The following MYBPC3 variants were observed in gnomAD, a reference collection of about 807,000 sequenced individuals.
MYBPC3 encodes the protein myosin binding protein C3.
Under a neutral mutation model 159.3 loss-of-function variants are expected in MYBPC3, and 108 were observed. The observed-to-expected ratio is 0.68, with a 90% CI of 0.58 to 0.80. The LOEUF (loss-of-function observed/expected upper bound fraction) is 0.80. MYBPC3 is among the 30% of genes least tolerant of loss of function. The pLI, the probability that MYBPC3 is intolerant of heterozygous loss-of-function variation, is 0.00. For missense variants in MYBPC3, 1,631 were observed against 1,762.1 expected, an observed-to-expected ratio of 0.93 and a Z score of 1.33; for synonymous variants, 730 against 702.0, an observed-to-expected ratio of 1.04 and a Z score of -0.63.
chr11:47,333,033 C>T lies in MYBPC3; in HGVS notation c.3331-60G>A, dbSNP rs550989677. On this transcript the variant is annotated intron_variant, in intron 30 of 34. Transcript: ENST00000545968. ...CCAGGCCCTTCCTGATGCCGAGAGC[C>T]TCTCCTGGGTGCCCTTGGCATCTCC... 5 of 1,560,438 alleles carry T rather than the reference C, an allele frequency of 3.2e-6. No individual in the cohort carries two copies. In the Admixed American group the frequency reaches 7.5e-5, roughly 23 times the overall value.
chr11:47,340,216 C>T (rs1565626703), intron 20 of MYBPC3, among the ~76,000 whole-genome samples: 1 of 140,776 alleles, frequency 7.1e-6, no homozygotes, highest in Admixed American at 7.0e-5. Flanking sequence ...CACAAATACA[C>T]ATACATACAC....
Position 47,351,338 on chromosome 11 carries a change from T to A in MYBPC3, c.193A>T (p.Thr65Ser), listed in dbSNP as rs1182438503. 6.3e-7 allele frequency: 1 copy of A among 1,598,570 alleles called. No homozygotes were observed. The highest frequency in any genetic ancestry group is 2.3e-5 in the East Asian group (1 of 43,896). ...YGLATEGTRH[T>S]LTVREVGPAD... The stretch of plus-strand genomic sequence containing the variant: ...GGGCCCACTTCCCGCACTGTCAGCG[T>A]ATGCCGTGTGCCCTCTGTGGCCAGG... The change falls in exon 2 of 35, where the codon ACG becomes TCG. Residue 65 changes from threonine to serine, a missense_variant. By Grantham distance (58) the Thr-to-Ser change is moderately conservative (BLOSUM62 1). Coordinates refer to ENST00000545968, the MANE Select transcript of MYBPC3 (RefSeq NM_000256.3). The surrounding 1 kb of genome is among the most constrained non-coding windows in gnomAD (Gnocchi z 4.2).
In MYBPC3 at chr11:47,352,657, C is replaced by T. The variant is rs567307744; in HGVS notation, c.-10G>A. ...TCCCCGGCTCAGGCATCCTGAGAGACGTCACACCAGGCACGAAGCAGGCAC... is the reference window on the plus strand; with the variant it reads ...TCCCCGGCTCAGGCATCCTGAGAGATGTCACACCAGGCACGAAGCAGGCAC... On this transcript the variant is annotated 5_prime_UTR_variant, in exon 1 of 35. Coordinates refer to ENST00000545968, the MANE Select transcript of MYBPC3 (RefSeq NM_000256.3). The T allele has an allele frequency of 2.1e-5, 33 of 1,590,430 alleles. No homozygotes were observed. Among genetic ancestry groups the T allele is most frequent in the African/African-American group, 1.8e-4 (13 of 73,510 alleles).
Position 47,334,024 on chromosome 11 carries a change from G to A in MYBPC3, c.2906-14C>T, listed in dbSNP as rs1302593450. On this transcript the variant is annotated splice_polypyrimidine_tract_variant and intron_variant, in intron 27 of 34. Transcript: ENST00000545968. ...GCCGTGGCCGTTCTGTGGGTATAGA[G>A]TGGGTAGCTAAGTGAGGGCCCGCCA... 1 of 1,565,150 alleles carries A rather than the reference G, an allele frequency of 6.4e-7. No homozygotes were observed. The highest frequency in any genetic ancestry group is 8.7e-7 in the Non-Finnish European group (1 of 1,154,528).
Position 47,351,507 on chromosome 11 carries a change from T to C in MYBPC3, c.26-2A>G, listed in dbSNP as rs376395543. ...GTGGCTTCTTGCTAAAAGCTGAGAC[T>C]GAAGGGCCAGGTGGAGGCTACAGCG... On this transcript the variant is annotated splice_acceptor_variant, in intron 1 of 34. Transcript: ENST00000545968. LOFTEE classifies it high-confidence loss of function. This position sits in a 1 kb window ranked among gnomAD's most constrained non-coding sequence, Gnocchi z 4.2. The C allele has an allele frequency of 3.9e-5, 62 of 1,581,032 alleles. No individual in the cohort carries two copies. The highest frequency in any genetic ancestry group is 5.0e-5 in the Non-Finnish European group (58 of 1,158,498).
Position 47,346,333 on chromosome 11 carries a change from A to G in MYBPC3, c.964T>C (p.Trp322Arg), listed in dbSNP as rs730880708. 2 of 1,609,138 alleles carry G rather than the reference A, an allele frequency of 1.2e-6. No individual in the cohort carries two copies. Among genetic ancestry groups the G allele is most frequent in the Non-Finnish European group, 1.7e-6 (2 of 1,177,678 alleles). The change falls in exon 12 of 35, where the codon TGG (tryptophan) becomes CGG (arginine). Residue 322 changes from tryptophan to arginine, a missense_variant. By Grantham distance (101) the Trp-to-Arg change is moderately radical. Coordinates refer to ENST00000545968, the MANE Select transcript of MYBPC3 (RefSeq NM_000256.3). The surrounding 1 kb of genome is among the most constrained non-coding windows in gnomAD (Gnocchi z 5.3). Reference protein sequence around the residue: ...KLEAPAEEDVWEILRQAPPSE... With the variant: ...KLEAPAEEDVREILRQAPPSE... Reference sequence around the variant, plus strand: ...GGGGGTGCCTGCCGTAGGATCTCCCACACGTCCTCCTCTGCTGGTGCCTCC... The same window carrying G: ...GGGGGTGCCTGCCGTAGGATCTCCCGCACGTCCTCCTCTGCTGGTGCCTCC...
rs753576437 is a variant in MYBPC3 at position 47,352,269 on chromosome 11, C to T, written c.25+354G>A. Among the ~76,000 whole-genome samples, 110 of 152,286 alleles carry T rather than the reference C, an allele frequency of 7.2e-4. 1 individual carries two copies. The highest frequency in any genetic ancestry group is 1.4e-3 in the Non-Finnish European group (93 of 68,030). On this transcript the variant is annotated intron_variant, in intron 1 of 34. Transcript: ENST00000545968. Reference sequence around the variant, plus strand: ...GGCATGCCGTGAGCCTGGCTCAGCTCCATACTAAACGTGGGCTCTGTCCGC... The same window carrying T: ...GGCATGCCGTGAGCCTGGCTCAGCTTCATACTAAACGTGGGCTCTGTCCGC...
rs370945942 is a variant in MYBPC3, at chr11:47,342,600, C to T, written c.1602G>A (p.Ala534=). The change falls in exon 17 of 35, where the codon GCG becomes GCA. Residue 534 remains alanine (A), a synonymous_variant. Transcript: ENST00000545968. ...CACCCTGCACAATGAGCTCAGCCAGCGCCTGGCCCCCGCTAGTGCACAGTG... is the reference window on the plus strand; with the variant it reads ...CACCCTGCACAATGAGCTCAGCCAGTGCCTGGCCCCCGCTAGTGCACAGTG... ...HYALCTSGGQ[A]LAELIVQEKK... is the part of the protein sequence containing the mutation. 6.5e-5 allele frequency: 105 copies of T among 1,608,960 alleles called. No individual in the cohort carries two copies. The African/African-American group carries it at 8.1e-4, about 12-fold the overall frequency.
intron 5 of MYBPC3, among the ~76,000 whole-genome samples, chr11:47,348,908 T>TATATATATATATATATATATATATATA (rs1555123221): frequency 2.5e-5 from 1 of 39,884 alleles, no homozygotes; most frequent in Non-Finnish European, 5.4e-5. Context: ...CTGTCTCAAA[T>TATATATATATATATATATATATATATA]TATATATATA....
intron 25 of MYBPC3, among the ~76,000 whole-genome samples, chr11:47,336,870 T>C (rs1354825816): frequency 6.6e-6 from 1 of 152,226 alleles, no homozygotes; most frequent in Non-Finnish European, 1.5e-5. Flanking sequence ...CCGGGGACCA[T>C]GGAGCTGCCT....
Position 47,346,715 on chromosome 11 carries a change from C to A in MYBPC3, c.909-71G>T, listed in dbSNP as rs1473838704. On this transcript the variant is annotated intron_variant, in intron 10 of 34. Transcript: ENST00000545968. The surrounding 1 kb of genome is among the most constrained non-coding windows in gnomAD (Gnocchi z 5.3). Reference sequence around the variant, plus strand: ...AGGTATGGCCACCTTCCCTCAAAGACCTGGACCCCACCCATGGGCCTTTAC... The same window carrying A: ...AGGTATGGCCACCTTCCCTCAAAGAACTGGACCCCACCCATGGGCCTTTAC... 1 of 1,466,210 alleles carries A rather than the reference C, an allele frequency of 6.8e-7. No homozygotes were observed. Among genetic ancestry groups the A allele is most frequent in the Non-Finnish European group, 9.2e-7 (1 of 1,086,600 alleles). The allele number at this position is 1,466,210 out of a possible 1,614,324, so 90.8% of individuals were successfully genotyped here.
chr11:47,338,751 A>G lies in MYBPC3; in HGVS notation c.2149-72T>C. ...GCCCTTGCAGCCTCCGCCAACAGCCAGATGTCCCGGGGGTCCATGGGGGGA... is the reference window on the plus strand; with the variant it reads ...GCCCTTGCAGCCTCCGCCAACAGCCGGATGTCCCGGGGGTCCATGGGGGGA... On this transcript the variant is annotated intron_variant, in intron 22 of 34. Transcript: ENST00000545968. The surrounding 1 kb of genome is among the most constrained non-coding windows in gnomAD (Gnocchi z 4.7). The G allele has an allele frequency of 6.7e-7, 1 of 1,490,938 alleles. No homozygotes were observed. The allele number at this position is 1,490,938 out of a possible 1,614,324, so 92.4% of individuals were successfully genotyped here.
intron 15 of MYBPC3, 38 bp downstream of exon 15, chr11:47,342,983 C>T (rs2095890588): frequency 6.2e-7 from 1 of 1,612,572 alleles, no homozygotes; most frequent in African/African-American, 1.3e-5. Flanking sequence ...GAGGCCATCT[C>T]CTCCCCAGGT....
chr11:47,332,652 G>C lies in MYBPC3; in HGVS notation c.3541C>G (p.Pro1181Ala), dbSNP rs730880593. Residue 1181 changes from proline (P) to alanine (A), a missense_variant, in exon 32 of 35, where the codon CCA (proline) becomes GCA (alanine). By Grantham distance (27) the Pro-to-Ala change is conservative. Transcript: ENST00000545968. The surrounding 1 kb of genome is among the most constrained non-coding windows in gnomAD (Gnocchi z 4.2). ...TTCACCAGGGGCTGGGTGAAGCTTG[G>C]GGCCTCGGAGAAGTCCAGGGCCTTA... is the stretch of plus-strand genomic sequence containing the variant. ...NYKALDFSEA[P>A]SFTQPLVNRS... 6 of 1,613,620 alleles carry C rather than the reference G, an allele frequency of 3.7e-6. No homozygotes were observed. In the Admixed American group the frequency reaches 1.0e-4, roughly 27 times the overall value.
Position 47,331,591 on chromosome 11 carries a change from C to T in MYBPC3, c.*152G>A. 2.0e-6 allele frequency: 1 copy of T among 494,550 alleles called. No homozygotes were observed. Among genetic ancestry groups the T allele is most frequent in the African/African-American group, 1.9e-5 (1 of 51,862 alleles). The allele number at this position is 494,550 out of a possible 1,614,324, so 30.6% of individuals were successfully genotyped here. On this transcript the variant is annotated 3_prime_UTR_variant, in exon 35 of 35. Transcript: ENST00000545968. The stretch of plus-strand genomic sequence containing the variant: ...GCAACACCCACTCAGGACTGCCCGA[C>T]AACTGCCCTGCTGATCCCCCATCGC...
chr11:47,342,202 G>A (rs1325732937), intron 17 of MYBPC3, 46 bp from the exon 18 acceptor site: 1 of 1,599,078 alleles, frequency 6.3e-7, no homozygotes, highest in Admixed American at 1.7e-5. Context: ...GTGTGTGGGT[G>A]TGGCGTGAAT....
chr11:47,350,852 G>C (rs117562419), intron 2 of MYBPC3, among the ~76,000 whole-genome samples: 1 of 152,270 alleles, frequency 6.6e-6, no homozygotes, highest in Non-Finnish European at 1.5e-5. Context: ...CATCTGCCCT[G>C]AACAGCTCCA....
chr11:47,334,500 G>A (rs2095880355), intron 27 of MYBPC3, among the ~76,000 whole-genome samples: 1 of 152,092 alleles, frequency 6.6e-6, no homozygotes, highest in South Asian at 2.1e-4. Flanking sequence ...CTTGGGTACT[G>A]TGGCTTTTAC....
At chr11:47,334,925 C>G in intron 27 of MYBPC3, 117 bp downstream of exon 27, 1 of 1,221,082 alleles carries the variant, frequency 8.2e-7, no homozygotes, top group Non-Finnish European at 1.1e-6. Flanking sequence ...CCTCCTGTCT[C>G]TGCCCAGCGT....
Sources: gnomAD v4.1 joint callset for allele counts (sites outside exome capture counted in the v4.1 genomes callset) on GRCh38, gnomAD v4.1.1 for gene constraint, Gnocchi (gnomAD v3.1) non-coding constraint, MANE v1.5 for transcripts, NCBI Gene and HGNC (gene_info 2026-07-23, HGNC 2026-07-21) for gene names.